SHANK2: variants seen among roughly 807,000 people sequenced by gnomAD.
The protein encoded by SHANK2 is SH3 and multiple ankyrin repeat domains protein 2.
In SHANK2, 43 loss-of-function variants were observed where a neutral mutation model predicts 133.7. The observed-to-expected ratio is 0.32, with a 90% CI of 0.25 to 0.41. The LOEUF (loss-of-function observed/expected upper bound fraction) is 0.41. Ranked by LOEUF, SHANK2 falls within the 10% of genes least tolerant of loss-of-function variation. The pLI, the probability that SHANK2 is intolerant of heterozygous loss-of-function variation, is 1.00. For synonymous variants in SHANK2, 1,017 were observed against 952.8 expected (o/e 1.07, Z -1.24); for missense variants, 1,994 against 2,235.8 (o/e 0.89, Z 2.18).
intron 1 of SHANK2, among the ~76,000 whole-genome samples, chr11:71,226,278 G>T (rs1271272495): frequency 6.6e-6 from 1 of 152,182 alleles, no homozygotes; most frequent in East Asian, 1.9e-4. Flanking sequence ...ACAATAGAGT[G>T]AAACAGACTG....
intron 17 of SHANK2, chr11:70,603,879 CT>C (rs1278888692): frequency 6.5e-6 from 1 of 152,740 alleles, no homozygotes; most frequent in Non-Finnish European, 1.5e-5. Context: ...CGCAGGAATG[CT>C]GAGCAGATGG....
intron 17 of SHANK2, among the ~76,000 whole-genome samples, chr11:70,659,222 C>T (rs782066150): frequency 6.6e-5 from 10 of 152,210 alleles, no homozygotes; most frequent in Non-Finnish European, 1.3e-4. Context: ...AATGCTCTTT[C>T]CTTTTCAGTA....
intron 21 of SHANK2, among the ~76,000 whole-genome samples, chr11:70,498,541 A>AGG (rs2059005389): frequency 6.6e-6 from 1 of 152,194 alleles, no homozygotes; most frequent in African/African-American, 2.4e-5. Flanking sequence ...ATCCTGCCTG[A>AGG]CAGCCGGCTT....
chr11:71,168,449 G>A (rs1485459450), intron 2 of SHANK2, among the ~76,000 whole-genome samples: 19 of 152,072 alleles, frequency 1.2e-4, no homozygotes, highest in African/African-American at 2.4e-4. Flanking sequence ...CTGCAATCTC[G>A]GCACCTTGGG....
rs144093986 is a variant in SHANK2, at chr11:71,234,961, C to T, written c.-112-10165G>A. On this transcript the variant is annotated intron_variant, in intron 1 of 25. Transcript: ENST00000601538. ...CACCCACCCACACACAATGGAGACA[C>T]GAAACATGAGCTACCGTACAACGGA... Among the ~76,000 whole-genome samples the T allele has an allele frequency of 2.9e-3, 449 of 152,254 alleles. 3 individuals are homozygous for T. Among genetic ancestry groups the T allele is most frequent in the African/African-American group, 0.01 (430 of 41,532 alleles).
At chr11:71,158,381 T>TA (rs1298063278) in intron 2 of SHANK2, among the ~76,000 whole-genome samples, 3 of 151,108 alleles carry the variant, frequency 2.0e-5, no homozygotes, top group East Asian at 1.9e-4. Context: ...CAAAGTCAAC[T>TA]AAAAAAAAAT....
intron 25 of SHANK2, among the ~76,000 whole-genome samples, chr11:70,483,660 C>G (rs532794250): frequency 6.6e-6 from 1 of 152,084 alleles, no homozygotes; most frequent in Non-Finnish European, 1.5e-5. Context: ...GGCTGCAAGG[C>G]TGCAATGAGC....
At position 70,473,879 on chromosome 11, in the gene SHANK2, T is replaced by C. The variant is rs554750043; in HGVS notation, c.4980-440A>G. On this transcript the variant is annotated intron_variant, in intron 25 of 25. Coordinates refer to ENST00000601538, the MANE Select transcript of SHANK2 (RefSeq NM_012309.5). This position sits in a 1 kb window ranked among gnomAD's most constrained non-coding sequence, Gnocchi z 5.9. ...AGGGACAGAGTGGGGTCCTGTCACCTGGGTAGAACGTGCCAGGCAACATCT... is the reference window on the plus strand; with the variant it reads ...AGGGACAGAGTGGGGTCCTGTCACCCGGGTAGAACGTGCCAGGCAACATCT... The C allele has an allele frequency of 3.6e-6, 1 of 281,368 alleles. No homozygotes were observed. Among genetic ancestry groups the C allele is most frequent in the Non-Finnish European group, 7.1e-6 (1 of 140,514 alleles). 17.4% of individuals were successfully genotyped at this position (281,368 alleles called of 1,614,324 possible).
chr11:70,790,282 C>T (rs143268072), intron 14 of SHANK2, among the ~76,000 whole-genome samples: 105 of 152,224 alleles, frequency 6.9e-4, no homozygotes, highest in African/African-American at 2.4e-3. Context: ...GGCACTGTCT[C>T]TCCACCCAGG....
intron 3 of SHANK2, among the ~76,000 whole-genome samples, chr11:71,140,772 G>C (rs1353879337): frequency 2.6e-5 from 4 of 152,038 alleles, no homozygotes; most frequent in African/African-American, 7.2e-5. Context: ...CAAAAGTGTA[G>C]AGTGAATGGC....
upstream of SHANK2, among the ~76,000 whole-genome samples, chr11:71,252,815 C>T (rs4078937): frequency 0.052 from 7,853 of 152,022 alleles, 542 homozygotes; most frequent in African/African-American, 0.15. This position sits in a 1 kb window ranked among gnomAD's most constrained non-coding sequence, Gnocchi z 6.3. Context: ...GCGCCCTGGC[C>T]GCCTCTGCCC....
chr11:70,657,563 T>C (rs2061419321), intron 17 of SHANK2, among the ~76,000 whole-genome samples: 1 of 152,186 alleles, frequency 6.6e-6, no homozygotes, highest in South Asian at 2.1e-4. Flanking sequence ...AGGGTCCAGC[T>C]GCCTGCACCC....
At chr11:71,128,210 T>C (rs1397912974) in intron 3 of SHANK2, among the ~76,000 whole-genome samples, 2 of 151,928 alleles carry the variant, frequency 1.3e-5, no homozygotes, top group African/African-American at 4.8e-5. Context: ...CAGTGCTGAG[T>C]TTCATATTTT....
chr11:71,135,351 G>C (rs1441884150), intron 3 of SHANK2, among the ~76,000 whole-genome samples: 1 of 152,188 alleles, frequency 6.6e-6, no homozygotes, highest in Non-Finnish European at 1.5e-5. Flanking sequence ...TGCCCCCCAG[G>C]CGCTTAGCTG....
intron 14 of SHANK2, among the ~76,000 whole-genome samples, chr11:70,733,361 G>A (rs1946329884): frequency 6.6e-6 from 1 of 152,214 alleles, no homozygotes; most frequent in Non-Finnish European, 1.5e-5. Context: ...GATACAGAAT[G>A]TCTCATTCAA....
intron 17 of SHANK2, among the ~76,000 whole-genome samples, chr11:70,591,735 G>A (rs2060323738): frequency 6.6e-6 from 1 of 152,110 alleles, no homozygotes; most frequent in South Asian, 2.1e-4. Context: ...CAGAGATGTG[G>A]GCCGGGCGCG....
chr11:70,589,405 C>T (rs1200271917), intron 17 of SHANK2, among the ~76,000 whole-genome samples: 1 of 152,148 alleles, frequency 6.6e-6, no homozygotes, highest in African/African-American at 2.4e-5. Context: ...ATATTTTAAG[C>T]CCATTGTTGA....
intron 14 of SHANK2, among the ~76,000 whole-genome samples, chr11:70,777,621 A>T (rs564905637): frequency 1.3e-5 from 2 of 152,358 alleles, no homozygotes; most frequent in East Asian, 3.9e-4. Context: ...GATGTGAGTC[A>T]ACTGTATCCT....
At chr11:70,670,483 C>T (rs1430109162) in intron 15 of SHANK2, among the ~76,000 whole-genome samples, 2 of 152,214 alleles carry the variant, frequency 1.3e-5, no homozygotes, top group Non-Finnish European at 2.9e-5. Context: ...CCCAGCTCAC[C>T]GTGGCAGAGC....
Sources: gnomAD v4.1 joint callset for allele counts (sites outside exome capture counted in the v4.1 genomes callset) on GRCh38, gnomAD v4.1.1 for gene constraint, Gnocchi (gnomAD v3.1) non-coding constraint, MANE v1.5 for transcripts, NCBI Gene and HGNC (gene_info 2026-07-23, HGNC 2026-07-21) for gene names.